The following AP2A2 variants were observed in gnomAD, a reference collection of about 807,000 sequenced individuals.
AP2A2 encodes adaptor related protein complex 2 subunit alpha 2.
Under a neutral mutation model 104.2 loss-of-function variants are expected in AP2A2, and 32 were observed. The ratio of observed to expected loss-of-function variants is 0.31; its 90% confidence interval spans 0.23 to 0.41. The LOEUF (loss-of-function observed/expected upper bound fraction) is 0.41, where lower values mean the gene tolerates loss of function less well. AP2A2 is among the 10% of genes least tolerant of loss of function. The probability of loss-of-function intolerance (pLI) is 1.00; values close to 1 mark genes in which losing one functional copy is unlikely to be tolerated. For synonymous variants in AP2A2, 539 were observed against 533.3 expected (o/e 1.01, Z -0.15); for missense variants, 912 against 1,261.0 (o/e 0.72, Z 4.19).
At chr11:938,325 T>C (rs1853530825) in intron 1 of AP2A2, among the ~76,000 whole-genome samples, 1 of 152,196 alleles carries the variant, frequency 6.6e-6, no homozygotes, top group Admixed American at 6.6e-5. Context: ...TGAAATTATG[T>C]TTATCCCGTT....
Position 993,502 on chromosome 11 carries a change from C to T in AP2A2, c.1550+121C>T, listed in dbSNP as rs1855733499. 2 of 740,378 alleles carry T rather than the reference C, an allele frequency of 2.7e-6. No individual in the cohort carries two copies. Among genetic ancestry groups the T allele is most frequent in the East Asian group, 2.8e-5 (1 of 35,126 alleles). 45.9% of individuals were successfully genotyped at this position (740,378 alleles called of 1,614,324 possible). ...GGCCTCGCAGAGCCGCTTCTGCTCCCCATCGGCGTCTTTTTGTTTTCCTTC... is the reference window on the plus strand; with the variant it reads ...GGCCTCGCAGAGCCGCTTCTGCTCCTCATCGGCGTCTTTTTGTTTTCCTTC... On this transcript the variant is annotated intron_variant, in intron 12 of 21. Coordinates refer to ENST00000448903, the MANE Select transcript of AP2A2 (RefSeq NM_012305.4). The surrounding 1 kb of genome is among the most constrained non-coding windows in gnomAD (Gnocchi z 8.2).
chr11:983,605 G>A lies in AP2A2; in HGVS notation c.706-1040G>A, dbSNP rs189734031. Among the ~76,000 whole-genome samples the A allele has an allele frequency of 1.0e-3, 154 of 151,848 alleles. 1 individual carries two copies. Among genetic ancestry groups the A allele is most frequent in the African/African-American group, 2.4e-3 (98 of 41,386 alleles). The stretch of plus-strand genomic sequence containing the variant: ...TCACTGTGTTAGCCAGGATGGTCTC[G>A]ATCTCCTGACCTTGTGATCCGCCCG... On this transcript the variant is annotated intron_variant, in intron 6 of 21. Coordinates refer to ENST00000448903, the MANE Select transcript of AP2A2 (RefSeq NM_012305.4).
chr11:959,786 G>C (rs764275520), intron 2 of AP2A2, among the ~76,000 whole-genome samples: 1 of 152,128 alleles, frequency 6.6e-6, no homozygotes, highest in African/African-American at 2.4e-5. Context: ...CGTGCTGGGG[G>C]TTCAGAGGAC....
chr11:959,747 G>A (rs935678513), intron 2 of AP2A2, among the ~76,000 whole-genome samples: 1 of 152,230 alleles, frequency 6.6e-6, no homozygotes, highest in African/African-American at 2.4e-5. Context: ...GTGCCCAGCT[G>A]CATGTCGCAG....
chr11:983,597 A>C (rs368077025), intron 6 of AP2A2, among the ~76,000 whole-genome samples: 10 of 151,594 alleles, frequency 6.6e-5, no homozygotes, highest in African/African-American at 2.2e-4. Context: ...GTTAGCCAGG[A>C]TGGTCTCGAT....
intron 3 of AP2A2, 54 bp downstream of exon 3, chr11:970,365 T>C: frequency 5.7e-6 from 9 of 1,590,162 alleles, no homozygotes; most frequent in Non-Finnish European, 7.7e-6. Context: ...CTGGCAGGAC[T>C]GAGGCCCGGT....
Position 988,573 on chromosome 11 carries a change from C to T in AP2A2, c.1153C>T (p.Arg385Trp), listed in dbSNP as rs1190285921. ...CCAGACTGAGCGGGACGTGAGCGTG[C>T]GGCAGCGGGCCGTGGACCTCCTCTA... ...ALKTERDVSV[R>W]QRAVDLLYAM... The change falls in exon 10 of 22, where the codon CGG (arginine) becomes TGG (tryptophan). Residue 385 changes from arginine to tryptophan, a missense_variant. This residue lies in a region of AP2A2 where 350 missense variants were observed against 487.0 expected (regional missense o/e 0.72). Coordinates refer to ENST00000448903, the MANE Select transcript of AP2A2 (RefSeq NM_012305.4). 2.5e-6 allele frequency: 4 copies of T among 1,612,160 alleles called. No individual in the cohort carries two copies. Among genetic ancestry groups the T allele is most frequent in the African/African-American group, 1.3e-5 (1 of 75,044 alleles).
At chr11:1,009,875 G>A (rs1260747804) in intron 21 of AP2A2, 58 bp downstream of exon 21, 14 of 1,516,226 alleles carry the variant, frequency 9.2e-6, no homozygotes, top group African/African-American at 1.4e-5. Flanking sequence ...CTGGCACAAT[G>A]TACGTGGTGA....
chr11:935,688 A>G (rs542751877), intron 1 of AP2A2, among the ~76,000 whole-genome samples: 11 of 137,142 alleles, frequency 8.0e-5, no homozygotes, highest in Admixed American at 2.4e-4. Flanking sequence ...GCTTACTGCA[A>G]CCTTCGCCTC....
chr11:976,593 G>A (rs1855047002), intron 4 of AP2A2, among the ~76,000 whole-genome samples: 1 of 152,060 alleles, frequency 6.6e-6, no homozygotes, highest in South Asian at 2.1e-4. Flanking sequence ...GCCATGGCCG[G>A]CTCCCTTCCC....
intron 1 of AP2A2, among the ~76,000 whole-genome samples, chr11:931,731 C>T (rs1330027812): frequency 6.6e-6 from 1 of 151,258 alleles, no homozygotes; most frequent in Non-Finnish European, 1.5e-5. Context: ...GCAGGTTTCA[C>T]GATAAATTAG....
At chr11:979,108 T>C (rs1855153396) in intron 5 of AP2A2, among the ~76,000 whole-genome samples, 1 of 151,038 alleles carries the variant, frequency 6.6e-6, no homozygotes, top group Non-Finnish European at 1.5e-5. Context: ...ACCACAGGGG[T>C]GGGGCCACGT....
chr11:940,048 G>A (rs1398233814), intron 1 of AP2A2, among the ~76,000 whole-genome samples: 1 of 144,958 alleles, frequency 6.9e-6, no homozygotes, highest in Admixed American at 7.1e-5. Context: ...CTCTTCTGCC[G>A]GGTTCAAGCG....
chr11:926,062 C>G lies in AP2A2; in HGVS notation c.41C>G (p.Ala14Gly). ...VSKGDGMRGL[A>G]VFISDIRNCK... Reference sequence around the variant, plus strand: ...AAGGGGGACGGGATGCGGGGCCTGGCGGTCTTCATCTCGGATATCCGCAAC... The same window carrying G: ...AAGGGGGACGGGATGCGGGGCCTGGGGGTCTTCATCTCGGATATCCGCAAC... Residue 14 changes from alanine to glycine, a missense_variant, in exon 1 of 22, where the codon GCG (alanine) becomes GGG (glycine). By Grantham distance (60) the Ala-to-Gly change is moderately conservative. Transcript: ENST00000448903. 1 of 1,372,382 alleles carries G rather than the reference C, an allele frequency of 7.3e-7. No individual in the cohort carries two copies. The highest frequency in any genetic ancestry group is 9.5e-7 in the Non-Finnish European group (1 of 1,051,812). The allele number at this position is 1,372,382 out of a possible 1,614,324, so 85.0% of individuals were successfully genotyped here. A position where few individuals can be genotyped will look rare whatever the true frequency, so the allele number is the denominator to read the frequency against.
At chr11:928,393 A>G (rs898582208) in intron 1 of AP2A2, among the ~76,000 whole-genome samples, 3 of 152,178 alleles carry the variant, frequency 2.0e-5, no homozygotes, top group African/African-American at 4.8e-5. Flanking sequence ...CTTGTATAGG[A>G]TTTAGTATCA....
At chr11:953,895 C>T (rs1181662706) in intron 1 of AP2A2, among the ~76,000 whole-genome samples, 1 of 149,506 alleles carries the variant, frequency 6.7e-6, no homozygotes, top group Non-Finnish European at 1.5e-5. Flanking sequence ...AGTGCAATGG[C>T]GCGATCTCGG....
At position 1,010,618 on chromosome 11, in the gene AP2A2, A is replaced by G; in HGVS notation, c.2813A>G (p.Gln938Arg). The G allele has an allele frequency of 6.3e-7, 1 of 1,593,582 alleles. No individual in the cohort carries two copies. The highest frequency in any genetic ancestry group is 8.5e-7 in the Non-Finnish European group (1 of 1,169,942). Residue 938 changes from glutamine to arginine, a missense_variant, in exon 22 of 22, where the codon CAG becomes CGG. Physicochemically the swap from Gln to Arg is conservative, Grantham distance 43. Coordinates refer to ENST00000448903, the MANE Select transcript of AP2A2 (RefSeq NM_012305.4). ...SQRLCELLSAQF is the reference protein window; with the variant it reads ...SQRLCELLSARF The stretch of plus-strand genomic sequence containing the variant: ...AGATTATGTGAATTGCTCTCAGCGC[A>G]GTTTTAGTCCTGAGGATGGAAGACC...
intron 1 of AP2A2, among the ~76,000 whole-genome samples, chr11:928,160 G>A (rs1314956021): frequency 1.3e-5 from 2 of 152,196 alleles, no homozygotes; most frequent in Admixed American, 6.6e-5. Flanking sequence ...CGGTATAGCC[G>A]TCCTCCCTTA....
chr11:974,135 A>C (rs1429396891), intron 4 of AP2A2, among the ~76,000 whole-genome samples: 5 of 150,666 alleles, frequency 3.3e-5, no homozygotes, highest in Non-Finnish European at 7.4e-5. Flanking sequence ...ATCTGCAGCC[A>C]GAAGGGAGCA....
Sources: gnomAD v4.1 joint callset for allele counts (sites outside exome capture counted in the v4.1 genomes callset) on GRCh38, gnomAD v4.1.1 for gene constraint, gnomAD v4.1.1 regional missense constraint, Gnocchi (gnomAD v3.1) non-coding constraint, MANE v1.5 for transcripts, NCBI Gene and HGNC (gene_info 2026-07-23, HGNC 2026-07-21) for gene names.